The following CABP7 variants were observed in gnomAD, a reference collection of about 807,000 sequenced individuals.
The protein encoded by CABP7 is calcium-binding protein 7.
Under a neutral mutation model 23.1 loss-of-function variants are expected in CABP7, and 13 were observed. The ratio of observed to expected loss-of-function variants is 0.56; its 90% CI spans 0.37 to 0.90. The LOEUF (loss-of-function observed/expected upper bound fraction) is 0.90, where lower values mean the gene tolerates loss of function less well. CABP7 is among the 40% of genes least tolerant of loss of function. The probability of loss-of-function intolerance (pLI) is 0.01; values close to 1 mark genes in which losing one functional copy is unlikely to be tolerated. For missense variants in CABP7, 248 were observed against 295.6 expected (o/e 0.84, Z 1.18); for synonymous variants, 123 against 115.3 (o/e 1.07, Z -0.43).
At chr22:29,726,715 C>CG (rs1569330689) in intron 1 of CABP7, among the ~76,000 whole-genome samples, 1 of 152,196 alleles carries the variant, frequency 6.6e-6, no homozygotes, top group Admixed American at 6.5e-5. Context: ...AGGAGACCCC[C>CG]GGGAGCCGGA....
chr22:29,729,506 C>G lies in CABP7; in HGVS notation c.585C>G (p.Ile195Met). Residue 195 changes from isoleucine to methionine, a missense_variant, in exon 5 of 5, where the codon ATC becomes ATG. Physicochemically the swap from Ile to Met is conservative, Grantham distance 10 (BLOSUM62 1). Coordinates refer to ENST00000216144, the MANE Select transcript of CABP7 (RefSeq NM_182527.3). ...VRKSLICAFA[I>M]AFIISVMLIA... ...AGAGTCTCATCTGCGCCTTCGCCAT[C>G]GCCTTCATCATCAGTGTCATGCTCA... 1 of 1,612,682 alleles carries G rather than the reference C, an allele frequency of 6.2e-7. No individual in the cohort carries two copies. Among genetic ancestry groups the G allele is most frequent in the African/African-American group, 1.3e-5 (1 of 75,074 alleles).
At chr22:29,724,252 G>A (rs2067780828) in intron 1 of CABP7, among the ~76,000 whole-genome samples, 1 of 152,162 alleles carries the variant, frequency 6.6e-6, no homozygotes, top group African/African-American at 2.4e-5. Flanking sequence ...CTTAGAGAGG[G>A]ACGTGACTTG....
At position 29,720,063 on chromosome 22, in the gene CABP7, G is replaced by C. The variant is rs1434508323; in HGVS notation, c.-362G>C. Reference sequence around the variant, plus strand: ...ACAGCCTGAGCGCCGGGCCGGTAGCGGCCGCGCCGGCGAGCGGACTAGCGG... The same window carrying C: ...ACAGCCTGAGCGCCGGGCCGGTAGCCGCCGCGCCGGCGAGCGGACTAGCGG... On this transcript the variant is annotated 5_prime_UTR_variant, in exon 1 of 5. Transcript: ENST00000216144. The surrounding 1 kb of genome is among the most constrained non-coding windows in gnomAD (Gnocchi z 5.2). The C allele has an allele frequency of 6.7e-6, 1 of 149,200 alleles. No homozygotes were observed. The highest frequency in any genetic ancestry group is 2.4e-5 in the African/African-American group (1 of 41,226). The allele number at this position is 149,200 out of a possible 1,614,324, so 9.2% of individuals were successfully genotyped here.
chr22:29,722,019 G>A (rs1400841917), intron 1 of CABP7, among the ~76,000 whole-genome samples: 10 of 152,200 alleles, frequency 6.6e-5, no homozygotes, highest in Non-Finnish European at 8.8e-5. Context: ...TGTCCCCTCC[G>A]GCCCTGGGCC....
Position 29,727,525 on chromosome 22 carries a change from C to T in CABP7, c.110-137C>T. 2 of 1,096,776 alleles carry T rather than the reference C, an allele frequency of 1.8e-6. No individual in the cohort carries two copies. The highest frequency in any genetic ancestry group is 1.3e-5 in the South Asian group (1 of 75,506). The allele number at this position is 1,096,776 out of a possible 1,614,324, so 67.9% of individuals were successfully genotyped here. A position where few individuals can be genotyped will look rare whatever the true frequency, so the allele number is the denominator to read the frequency against. On this transcript the variant is annotated intron_variant, in intron 1 of 4. Transcript: ENST00000216144. This position sits in a 1 kb window ranked among gnomAD's most constrained non-coding sequence, Gnocchi z 4.2. ...CACCCTTGTGCACCCTCGGGCCATG[C>T]TCTCACCAGATCTGCAGGCTCTGGG...
At position 29,729,452 on chromosome 22, in the gene CABP7, C is replaced by A. The variant is rs775187495; in HGVS notation, c.531C>A (p.Asn177Lys). The A allele has an allele frequency of 6.2e-7, 1 of 1,610,422 alleles. No individual in the cohort carries two copies. The highest frequency in any genetic ancestry group is 1.3e-5 in the African/African-American group (1 of 74,952). Residue 177 changes from asparagine (N) to lysine (K), a missense_variant, in exon 5 of 5, where the codon AAC becomes AAA. By Grantham distance (94) the Asn-to-Lys change is moderately conservative. Transcript: ENST00000216144. ...GGCGGGCGGCCACAGCCTGCTCCAACCAGCAGATCCGCCAGACTTGCGTGC... is the reference window on the plus strand; with the variant it reads ...GGCGGGCGGCCACAGCCTGCTCCAAACAGCAGATCCGCCAGACTTGCGTGC... ...ECPVDVETCSNQQIRQTCVRK... is the reference protein window; with the variant it reads ...ECPVDVETCSKQQIRQTCVRK...
At position 29,720,554 on chromosome 22, in the gene CABP7, C is replaced by T. The variant is rs1289815253; in HGVS notation, c.109+21C>T. 1.3e-6 allele frequency: 2 copies of T among 1,485,826 alleles called. No individual in the cohort carries two copies. The highest frequency in any genetic ancestry group is 1.8e-6 in the Non-Finnish European group (2 of 1,106,148). The allele number at this position is 1,485,826 out of a possible 1,614,324, so 92.0% of individuals were successfully genotyped here. ...GGAGGGTGAGTGTCCGCCGGGATCC[C>T]CGCCCCGGCGGCCCTCCTACCTGTG... On this transcript the variant is annotated intron_variant, in intron 1 of 4. Coordinates refer to ENST00000216144, the MANE Select transcript of CABP7 (RefSeq NM_182527.3). This position sits in a 1 kb window ranked among gnomAD's most constrained non-coding sequence, Gnocchi z 5.2.
rs1286438199 is a variant in CABP7, at chr22:29,720,233, GGGCGGCATGGCCC to G, written c.-185_-173del. Reference sequence around the variant, plus strand: ...CCGGCTGGGAGCCCGACGAGGGAGCGGGCGGCATGGCCCGGCGGCCCGGGGCGCGGGGGCGCTA... The same window carrying G: ...CCGGCTGGGAGCCCGACGAGGGAGCGGGCGGCCCGGGGCGCGGGGGCGCTA... On this transcript the variant is annotated 5_prime_UTR_variant, in exon 1 of 5. The change abolishes an upstream ATG in the 5' untranslated region. Transcript: ENST00000216144. The surrounding 1 kb of genome is among the most constrained non-coding windows in gnomAD (Gnocchi z 5.2). 1 of 147,718 alleles carries G rather than the reference GGGCGGCATGGCCC, an allele frequency of 6.8e-6. No homozygotes were observed. The highest frequency in any genetic ancestry group is 1.5e-5 in the Non-Finnish European group (1 of 66,820). 9.2% of individuals were successfully genotyped at this position (147,718 alleles called of 1,614,324 possible). A position where few individuals can be genotyped will look rare whatever the true frequency, so the allele number is the denominator to read the frequency against.
In CABP7 at chr22:29,731,230, C is replaced by G; in HGVS notation, c.*1661C>G. On this transcript the variant is annotated 3_prime_UTR_variant, in exon 5 of 5. Coordinates refer to ENST00000216144, the MANE Select transcript of CABP7 (RefSeq NM_182527.3). The stretch of plus-strand genomic sequence containing the variant: ...GTCAGTCGGGGGCAAGGGGCTCAGC[C>G]CCACTGGACTCTGGGCTGCAGAGGC... 6.7e-7 allele frequency: 1 copy of G among 1,499,274 alleles called. No individual in the cohort carries two copies. The highest frequency in any genetic ancestry group is 2.7e-5 in the East Asian group (1 of 36,946). 92.9% of individuals were successfully genotyped at this position (1,499,274 alleles called of 1,614,324 possible).
Position 29,727,512 on chromosome 22 carries a change from C to T in CABP7, c.110-150C>T, listed in dbSNP as rs1480420513. The T allele has an allele frequency of 5.0e-6, 5 of 991,796 alleles. No homozygotes were observed. The highest frequency in any genetic ancestry group is 3.2e-5 in the African/African-American group (2 of 61,598). The allele number at this position is 991,796 out of a possible 1,614,324, so 61.4% of individuals were successfully genotyped here. ...TCCCAGAATACGGCACCCTTGTGCA[C>T]CCTCGGGCCATGCTCTCACCAGATC... On this transcript the variant is annotated intron_variant, in intron 1 of 4. Coordinates refer to ENST00000216144, the MANE Select transcript of CABP7 (RefSeq NM_182527.3). This position sits in a 1 kb window ranked among gnomAD's most constrained non-coding sequence, Gnocchi z 4.2.
Position 29,729,163 on chromosome 22 carries a change from G to A in CABP7, c.475G>A (p.Glu159Lys), listed in dbSNP as rs1166201711. ...DIENIIMTEE[E>K]SHLGTAEECP... is the part of the protein sequence containing the mutation. ...AGAGAACATCATCATGACGGAGGAG[G>A]AGAGCCACCTGGGCACAGCCGAGGA... Residue 159 changes from glutamate (E) to lysine (K), a missense_variant, in exon 4 of 5, where the codon GAG becomes AAG. Coordinates refer to ENST00000216144, the MANE Select transcript of CABP7 (RefSeq NM_182527.3). 3.7e-6 allele frequency: 6 copies of A among 1,611,132 alleles called. No individual in the cohort carries two copies. The highest frequency in any genetic ancestry group is 2.2e-5 in the East Asian group (1 of 44,858).
rs530840725 is a variant in CABP7, at chr22:29,729,654, G to A, written c.*85G>A. ...CCGCCTGCAGACCTCTCCCTTGGCC[G>A]GCTCCCTGGGCCGCCATCTGCGTGT... is the stretch of plus-strand genomic sequence containing the variant. On this transcript the variant is annotated 3_prime_UTR_variant, in exon 5 of 5. Transcript: ENST00000216144. The A allele has an allele frequency of 1.6e-5, 25 of 1,535,666 alleles. No homozygotes were observed. In the East Asian group the frequency reaches 2.5e-4, roughly 15 times the overall value.
rs1316813773 is a variant in CABP7, at chr22:29,727,074, G to T, written c.110-588G>T. Among the ~76,000 whole-genome samples the T allele has an allele frequency of 6.6e-6, 1 of 152,214 alleles. No individual in the cohort carries two copies. The highest frequency in any genetic ancestry group is 1.5e-5 in the Non-Finnish European group (1 of 68,040). ...GGAGGGCGACCCCCCACCCAGTCTG[G>T]TCTGGCCTGGACCTGGAGGGGGGCT... On this transcript the variant is annotated intron_variant, in intron 1 of 4. Coordinates refer to ENST00000216144, the MANE Select transcript of CABP7 (RefSeq NM_182527.3). This position sits in a 1 kb window ranked among gnomAD's most constrained non-coding sequence, Gnocchi z 4.2.
Position 29,730,987 on chromosome 22 carries a change from G to A in CABP7, c.*1418G>A, listed in dbSNP as rs1461578702. ...GACAGACTTTCTTTATAAACATTTG[G>A]AAGTTTTCTCCCCCATCTTCTTAAG... On this transcript the variant is annotated 3_prime_UTR_variant, in exon 5 of 5. Transcript: ENST00000216144. The A allele has an allele frequency of 1.0e-5, 4 of 386,942 alleles. No homozygotes were observed. The highest frequency in any genetic ancestry group is 8.5e-5 in the South Asian group (1 of 11,788). The allele number at this position is 386,942 out of a possible 1,614,324, so 24.0% of individuals were successfully genotyped here. A position where few individuals can be genotyped will look rare whatever the true frequency, so the allele number is the denominator to read the frequency against.
intron 1 of CABP7, among the ~76,000 whole-genome samples, chr22:29,724,961 G>C (rs737978): frequency 0.14 from 21,720 of 152,216 alleles, 1,620 homozygotes; most frequent in Non-Finnish European, 0.18. Flanking sequence ...GCTCCCGAAG[G>C]GTAGGAGGGA....
rs2067757507 is a variant in CABP7, at chr22:29,720,949, A to C, written c.109+416A>C. ...CGCCCGCGGCTCTCTGCTCGCATTG[A>C]CATTCCGCTCGTGTCGCTTTAAAAA... On this transcript the variant is annotated intron_variant, in intron 1 of 4. Transcript: ENST00000216144. The surrounding 1 kb of genome is among the most constrained non-coding windows in gnomAD (Gnocchi z 5.2). 6.6e-6 allele frequency among the ~76,000 whole-genome samples: 1 copy of C among 151,992 alleles called. No individual in the cohort carries two copies. Among genetic ancestry groups the C allele is most frequent in the African/African-American group, 2.4e-5 (1 of 41,414 alleles).
intron 1 of CABP7, among the ~76,000 whole-genome samples, chr22:29,723,582 A>T (rs987844214): frequency 6.6e-6 from 1 of 152,192 alleles, no homozygotes; most frequent in Non-Finnish European, 1.5e-5. Context: ...GACAGTCCCC[A>T]GGGTAGGGCT....
At position 29,722,856 on chromosome 22, in the gene CABP7, G is replaced by A. The variant is rs918622987; in HGVS notation, c.109+2323G>A. ...GGATGGAATGCTGCAGACAGTACGT[G>A]CCTGCCGCAGAAATCCAGGGGGCGG... On this transcript the variant is annotated intron_variant, in intron 1 of 4. Coordinates refer to ENST00000216144, the MANE Select transcript of CABP7 (RefSeq NM_182527.3). Among the ~76,000 whole-genome samples, 3 of 152,380 alleles carry A rather than the reference G, an allele frequency of 2.0e-5. No individual in the cohort carries two copies. The East Asian group carries it at 5.8e-4, about 29-fold the overall frequency.
intron 3 of CABP7, 101 bp from the exon 4 acceptor site, chr22:29,728,954 C>T: frequency 1.4e-6 from 2 of 1,442,962 alleles, no homozygotes; most frequent in Non-Finnish European, 1.9e-6. Flanking sequence ...GTTTTCCAGC[C>T]CCCCAGAATC....
Sources: allele counts gnomAD v4.1 joint callset (sites outside exome capture counted in the v4.1 genomes callset), GRCh38; gene constraint gnomAD v4.1.1; non-coding constraint Gnocchi (gnomAD v3.1); transcripts MANE v1.5; gene names NCBI Gene and HGNC (gene_info 2026-07-23, HGNC 2026-07-21).